ADARB2: variants seen among roughly 807,000 people sequenced by gnomAD.
The protein encoded by ADARB2 is inactive double-stranded RNA-specific editase B2.
In ADARB2, 25 loss-of-function variants were observed where a neutral mutation model predicts 62.2. The observed-to-expected ratio is 0.40, with a 90% CI of 0.29 to 0.56. The LOEUF is 0.56. Among genes scored for constraint, ADARB2 ranks in the 20% least tolerant of loss-of-function variants. The probability of loss-of-function intolerance (pLI) is 0.43; values close to 1 mark genes in which losing one functional copy is unlikely to be tolerated. For synonymous variants in ADARB2, 572 were observed against 500.8 expected (o/e 1.14, Z -1.90); for missense variants, 1,071 against 1,077.4 (o/e 0.99, Z 0.08).
At chr10:1,389,852 G>A (rs1408904201) in intron 1 of ADARB2, among the ~76,000 whole-genome samples, 1 of 152,098 alleles carries the variant, frequency 6.6e-6, no homozygotes, top group Non-Finnish European at 1.5e-5. Context: ...GAAAATCAGA[G>A]CTCATCCCCT....
At chr10:1,651,073 C>T (rs964037484) in intron 1 of ADARB2, among the ~76,000 whole-genome samples, 2 of 152,228 alleles carry the variant, frequency 1.3e-5, no homozygotes, top group African/African-American at 4.8e-5. Context: ...CCTCGTGAGA[C>T]AGACGGCCCG....
At chr10:1,530,881 CCAGCACTCAGGTCT>C (rs1832224255) in intron 1 of ADARB2, among the ~76,000 whole-genome samples, 1 of 149,628 alleles carries the variant, frequency 6.7e-6, no homozygotes, top group South Asian at 2.3e-4. Context: ...CACTCAGCAC[CCAGCACTCAGGTCT>C]CAGCACTCAG....
At chr10:1,545,600 A>G (rs1049329622) in intron 1 of ADARB2, among the ~76,000 whole-genome samples, 1 of 152,142 alleles carries the variant, frequency 6.6e-6, no homozygotes, top group Non-Finnish European at 1.5e-5. Context: ...TTAGCCAGGA[A>G]GGGTCCTCGT....
At chr10:1,553,607 T>C (rs930785037) in intron 1 of ADARB2, among the ~76,000 whole-genome samples, 1 of 152,208 alleles carries the variant, frequency 6.6e-6, no homozygotes, top group African/African-American at 2.4e-5. Context: ...GTCTTGGCAT[T>C]GTTCAGAAAC....
intron 1 of ADARB2, among the ~76,000 whole-genome samples, chr10:1,558,251 C>G: frequency 6.7e-6 from 1 of 148,762 alleles, no homozygotes; most frequent in Admixed American, 6.7e-5. Flanking sequence ...GCTCAGACCC[C>G]GCATGCTCCA....
chr10:1,565,046 C>T (rs931504886), intron 1 of ADARB2, among the ~76,000 whole-genome samples: 1 of 152,358 alleles, frequency 6.6e-6, no homozygotes, highest in East Asian at 1.9e-4. Flanking sequence ...CCCTCCCGTG[C>T]AGGGCTCTCC....
chr10:1,654,721 A>G (rs1834153626), intron 1 of ADARB2, among the ~76,000 whole-genome samples: 1 of 152,172 alleles, frequency 6.6e-6, no homozygotes, highest in African/African-American at 2.4e-5. Flanking sequence ...GTGGGCATTT[A>G]TGTGGGCTAT....
chr10:1,500,621 A>G (rs1388078202), intron 1 of ADARB2, among the ~76,000 whole-genome samples: 1 of 152,234 alleles, frequency 6.6e-6, no homozygotes, highest in Non-Finnish European at 1.5e-5. Context: ...ATTGTAGCAA[A>G]GAAAATTTTG....
chr10:1,212,324 T>C (rs1049056399), intron 7 of ADARB2, among the ~76,000 whole-genome samples: 6 of 152,222 alleles, frequency 3.9e-5, no homozygotes, highest in African/African-American at 9.6e-5. Context: ...TAGCATAACA[T>C]ATGCTGCTGC....
At chr10:1,642,839 C>T (rs1833995831) in intron 1 of ADARB2, among the ~76,000 whole-genome samples, 1 of 152,156 alleles carries the variant, frequency 6.6e-6, no homozygotes, top group African/African-American at 2.4e-5. Context: ...CACACACTCG[C>T]CCCTTGGCTG....
At chr10:1,277,610 T>C (rs377171685) in intron 3 of ADARB2, among the ~76,000 whole-genome samples, 2 of 152,086 alleles carry the variant, frequency 1.3e-5, no homozygotes, top group Non-Finnish European at 2.9e-5. Context: ...AGGCAATAAT[T>C]AATAGCTTAC....
intron 7 of ADARB2, among the ~76,000 whole-genome samples, chr10:1,207,060 C>T (rs1837077761): frequency 6.6e-6 from 1 of 152,210 alleles, no homozygotes; most frequent in East Asian, 1.9e-4. Context: ...TGTTATGTCA[C>T]TTAAGGCCGG....
intron 1 of ADARB2, among the ~76,000 whole-genome samples, chr10:1,421,384 G>A (rs967361646): frequency 6.6e-6 from 1 of 151,960 alleles, no homozygotes; most frequent in African/African-American, 2.4e-5. Flanking sequence ...GGCTTCTTGC[G>A]ATTTCACAGA....
At chr10:1,598,553 G>A (rs1179392626) in intron 1 of ADARB2, among the ~76,000 whole-genome samples, 2 of 152,132 alleles carry the variant, frequency 1.3e-5, no homozygotes, top group African/African-American at 4.8e-5. Context: ...TGCTTGGACC[G>A]AAACGGGTCG....
intron 3 of ADARB2, among the ~76,000 whole-genome samples, chr10:1,336,920 C>A (rs1009895748): frequency 2.0e-5 from 3 of 152,110 alleles, no homozygotes; most frequent in Non-Finnish European, 2.9e-5. Flanking sequence ...CTCTTTTCTT[C>A]TTTTCCATCT....
chr10:1,661,957 T>G (rs186694926), intron 1 of ADARB2, among the ~76,000 whole-genome samples: 74 of 152,282 alleles, frequency 4.9e-4, no homozygotes, highest in African/African-American at 1.7e-3. Flanking sequence ...ATGCAGGCAC[T>G]GAGGCAGCGG....
intron 1 of ADARB2, among the ~76,000 whole-genome samples, chr10:1,673,948 G>C (rs1295222383): frequency 6.6e-6 from 1 of 150,798 alleles, no homozygotes; most frequent in Non-Finnish European, 1.5e-5. Flanking sequence ...AAAGGTTATT[G>C]GGCAGATGTT....
chr10:1,659,464 G>T (rs985184624), intron 1 of ADARB2, among the ~76,000 whole-genome samples: 1 of 152,234 alleles, frequency 6.6e-6, no homozygotes, highest in African/African-American at 2.4e-5. Context: ...ACAGAAACAC[G>T]ATTCAGACAG....
intron 3 of ADARB2, among the ~76,000 whole-genome samples, chr10:1,351,301 C>T (rs1461682926): frequency 1.3e-5 from 2 of 152,084 alleles, no homozygotes; most frequent in South Asian, 2.1e-4. Flanking sequence ...AAGGTAAGTC[C>T]GTCCCCTTCT....
Sources: allele counts gnomAD v4.1 joint callset (sites outside exome capture counted in the v4.1 genomes callset), GRCh38; gene constraint gnomAD v4.1.1; transcripts MANE v1.5; gene names NCBI Gene and HGNC (gene_info 2026-07-23, HGNC 2026-07-21).